Variants in HIVEP3 observed in about 807,000 individuals in gnomAD.
The protein encoded by HIVEP3 is HIVEP zinc finger 3.
Under a neutral mutation model 152.8 loss-of-function variants are expected in HIVEP3, and 49 were observed. The ratio of observed to expected loss-of-function variants is 0.32; its 90% confidence interval spans 0.26 to 0.41. The LOEUF is 0.41. HIVEP3 is among the 10% of genes least tolerant of loss of function. HIVEP3 has a pLI of 1.00. For synonymous variants in HIVEP3, 1,269 were observed against 1,289.0 expected, an observed-to-expected ratio of 0.98 and a Z score of 0.33; for missense variants, 2,790 against 3,103.3, an observed-to-expected ratio of 0.90 and a Z score of 2.40.
At chr1:41,587,987 A>G (rs1187733863) in intron 3 of HIVEP3, among the ~76,000 whole-genome samples, 4 of 152,210 alleles carry the variant, frequency 2.6e-5, no homozygotes, top group African/African-American at 9.7e-5. Context: ...CTTTCAACCT[A>G]TGTCCTAACC....
At chr1:41,640,434 T>G (rs777605704) in intron 2 of HIVEP3, among the ~76,000 whole-genome samples, 3 of 152,046 alleles carry the variant, frequency 2.0e-5, no homozygotes, top group Admixed American at 2.0e-4. Flanking sequence ...CTGGGTGCAA[T>G]AGAAATCCCA....
At position 41,554,885 on chromosome 1, in the gene HIVEP3, C is replaced by T. The variant is rs12034098; in HGVS notation, c.5207+20659G>A. Among the ~76,000 whole-genome samples, 407 of 152,246 alleles carry T rather than the reference C, an allele frequency of 2.7e-3. 2 individuals are homozygous for T. The highest frequency in any genetic ancestry group is 0.023 in the East Asian group (120 of 5,170). ...GGAAGCTTCATCCCAGAGGGACACCCGCCTGTATGAGGTGATAGTCGGCCC... is the reference window on the plus strand; with the variant it reads ...GGAAGCTTCATCCCAGAGGGACACCTGCCTGTATGAGGTGATAGTCGGCCC... On this transcript the variant is annotated intron_variant, in intron 5 of 8. Transcript: ENST00000372583.
At chr1:42,000,669 C>A (rs1645422025) in intron 1 of HIVEP3, among the ~76,000 whole-genome samples, 1 of 152,210 alleles carries the variant, frequency 6.6e-6, no homozygotes, top group Non-Finnish European at 1.5e-5. Flanking sequence ...GATGACAGTT[C>A]TCCTGCAATA....
intron 2 of HIVEP3, among the ~76,000 whole-genome samples, chr1:41,686,616 C>T (rs1646119788): frequency 6.6e-6 from 1 of 152,134 alleles, no homozygotes; most frequent in Non-Finnish European, 1.5e-5. Flanking sequence ...TAAGTACTGA[C>T]TGGAACCATG....
chr1:41,615,222 T>C (rs1644949960), intron 3 of HIVEP3, among the ~76,000 whole-genome samples: 1 of 152,254 alleles, frequency 6.6e-6, no homozygotes, highest in South Asian at 2.1e-4. Flanking sequence ...CTAGTATTTT[T>C]TACTGAATTA....
intron 3 of HIVEP3, among the ~76,000 whole-genome samples, chr1:41,618,172 G>A (rs1256664115): frequency 6.6e-6 from 1 of 152,230 alleles, no homozygotes; most frequent in Non-Finnish European, 1.5e-5. Context: ...TCTGGGAAGG[G>A]AGGGCTGTTT....
intron 1 of HIVEP3, among the ~76,000 whole-genome samples, chr1:41,825,096 C>T (rs1642758379): frequency 6.6e-6 from 1 of 151,962 alleles, no homozygotes; most frequent in Non-Finnish European, 1.5e-5. Context: ...TGGGTGCAGG[C>T]GGGCTGAGTC....
At chr1:41,933,528 T>A (rs1280392785) in intron 1 of HIVEP3, among the ~76,000 whole-genome samples, 1 of 152,160 alleles carries the variant, frequency 6.6e-6, no homozygotes, top group Non-Finnish European at 1.5e-5. Context: ...TCTTTTTCTA[T>A]TCTATTACTT....
In HIVEP3 at chr1:41,647,021, C is replaced by T. The variant is rs560596450; in HGVS notation, c.-720-18074G>A. ...GCCAGGTCAAGTCTTTCTCACACTG[C>T]AACCTCCTGGCACTGACTCTTCTGC... On this transcript the variant is annotated intron_variant, in intron 2 of 8. Coordinates refer to ENST00000372583, the MANE Select transcript of HIVEP3 (RefSeq NM_024503.5). Among the ~76,000 whole-genome samples, 3 of 152,290 alleles carry T rather than the reference C, an allele frequency of 2.0e-5. No individual in the cohort carries two copies. In the East Asian group the frequency reaches 5.8e-4, roughly 29 times the overall value.
chr1:41,884,557 C>A (rs1396636266), intron 1 of HIVEP3, among the ~76,000 whole-genome samples: 2 of 152,200 alleles, frequency 1.3e-5, no homozygotes, highest in Admixed American at 1.3e-4. Context: ...TCCTGCCAGC[C>A]TCAGAAGGTT....
intron 3 of HIVEP3, among the ~76,000 whole-genome samples, chr1:41,607,284 T>C (rs974226608): frequency 2.0e-5 from 3 of 152,258 alleles, no homozygotes; most frequent in African/African-American, 7.2e-5. Context: ...TTCTTGAGAC[T>C]TTGCTCTGCT....
intron 1 of HIVEP3, among the ~76,000 whole-genome samples, chr1:42,006,450 C>T (rs1645459844): frequency 1.3e-5 from 2 of 151,976 alleles, no homozygotes; most frequent in African/African-American, 4.8e-5. Flanking sequence ...ATATTATTTG[C>T]CATATCAGAA....
At chr1:41,977,862 G>T (rs1048003434) in intron 1 of HIVEP3, among the ~76,000 whole-genome samples, 1 of 152,186 alleles carries the variant, frequency 6.6e-6, no homozygotes, top group Non-Finnish European at 1.5e-5. Flanking sequence ...ACCTCACGTG[G>T]ATGCTTCAGC....
intron 1 of HIVEP3, among the ~76,000 whole-genome samples, chr1:41,765,393 C>T (rs1647947782): frequency 6.6e-6 from 1 of 152,120 alleles, no homozygotes; most frequent in Non-Finnish European, 1.5e-5. Context: ...TTGTTTAACC[C>T]CGATGTGTCC....
At chr1:41,842,992 G>A (rs918934897) in intron 1 of HIVEP3, among the ~76,000 whole-genome samples, 6 of 152,202 alleles carry the variant, frequency 3.9e-5, no homozygotes, top group African/African-American at 9.6e-5. Flanking sequence ...CTTTTCTTAC[G>A]CTCAAAAGCA....
At position 41,713,726 on chromosome 1, in the gene HIVEP3, C is replaced by A. The variant is rs12409946; in HGVS notation, c.-800-12731G>T. ...TCTCCAGTGACAGGGAACTCACTAC[C>A]TGCTGGGCAGCCCATGCCATGTTTT... On this transcript the variant is annotated intron_variant, in intron 1 of 8. Transcript: ENST00000372583. 8.1e-3 allele frequency among the ~76,000 whole-genome samples: 1,232 copies of A among 152,372 alleles called. 48 individuals carry two copies. The East Asian group carries it at 0.12, about 15-fold the overall frequency.
chr1:41,584,982 G>T lies in HIVEP3; in HGVS notation c.-185C>A, dbSNP rs1185085865. 2.2e-5 allele frequency: 10 copies of T among 459,602 alleles called. No homozygotes were observed. The highest frequency in any genetic ancestry group is 3.7e-5 in the Non-Finnish European group (10 of 268,804). 28.5% of individuals were successfully genotyped at this position (459,602 alleles called of 1,614,324 possible). A position where few individuals can be genotyped will look rare whatever the true frequency, so the allele number is the denominator to read the frequency against. ...ACTGGCTGTGAGTGGACTCGGAGCA[G>T]GTCATCAGGGCCCACGCTATTCTAT... On this transcript the variant is annotated 5_prime_UTR_variant, in exon 4 of 9. The change creates a new upstream start codon in the 5' untranslated region. Transcript: ENST00000372583. This position sits in a 1 kb window ranked among gnomAD's most constrained non-coding sequence, Gnocchi z 5.2.
At chr1:41,963,278 T>G (rs1363784496) in intron 1 of HIVEP3, among the ~76,000 whole-genome samples, 1 of 152,234 alleles carries the variant, frequency 6.6e-6, no homozygotes, top group Non-Finnish European at 1.5e-5. Flanking sequence ...CCCAAAGTGC[T>G]GGGATTACGG....
At chr1:41,689,149 G>A (rs531981731) in intron 2 of HIVEP3, among the ~76,000 whole-genome samples, 1 of 152,326 alleles carries the variant, frequency 6.6e-6, no homozygotes, top group East Asian at 1.9e-4. Flanking sequence ...AACAGCACAA[G>A]GTACGTATTG....
Sources: gnomAD v4.1 joint callset for allele counts (sites outside exome capture counted in the v4.1 genomes callset) on GRCh38, gnomAD v4.1.1 for gene constraint, Gnocchi (gnomAD v3.1) non-coding constraint, MANE v1.5 for transcripts, NCBI Gene and HGNC (gene_info 2026-07-23, HGNC 2026-07-21) for gene names.